GABRG3: variants seen among roughly 807,000 people sequenced by gnomAD.
GABRG3 encodes gamma-aminobutyric acid receptor subunit gamma-3.
A neutral mutation model predicts 48.8 loss-of-function variants in GABRG3; 25 were observed. The ratio of observed to expected loss-of-function variants is 0.51; its 90% CI spans 0.37 to 0.72. The LOEUF (loss-of-function observed/expected upper bound fraction) is 0.72. Ranked by LOEUF, GABRG3 falls within the 30% of genes least tolerant of loss-of-function variation. The probability of loss-of-function intolerance (pLI) is 0.00; values close to 1 mark genes in which losing one functional copy is unlikely to be tolerated. For synonymous variants in GABRG3, 227 were observed against 217.6 expected (o/e 1.04, Z -0.38); for missense variants, 394 against 577.9 (o/e 0.68, Z 3.26).
intron 9 of GABRG3, 86 bp from the exon 10 acceptor site, chr15:27,532,514 T>A: frequency 7.7e-7 from 1 of 1,301,326 alleles, no homozygotes. Flanking sequence ...AGGAGACAGA[T>A]GTAATATGGA....
rs1566897101 is a variant in GABRG3 at position 26,974,847 on chromosome 15, TTA to T, written c.54-2153_54-2152del. Among the ~76,000 whole-genome samples, 172 of 18,662 alleles carry T rather than the reference TTA, an allele frequency of 9.2e-3. No homozygotes were observed. The highest frequency in any genetic ancestry group is 0.058 in the African/African-American group (162 of 2,778). The allele number at this position is 18,662 out of a possible 152,430, so 12.2% of individuals were successfully genotyped here. On this transcript the variant is annotated intron_variant, in intron 1 of 9. Transcript: ENST00000615808. The surrounding 1 kb of genome is among the most constrained non-coding windows in gnomAD (Gnocchi z 4.3). ...TGACACGAAATATTTTTTAAATTTA[TTA>T]TTATTATTATTATTATTATTATTAT...
At chr15:27,095,438 A>T (rs1465217188) in intron 3 of GABRG3, among the ~76,000 whole-genome samples, 1 of 152,154 alleles carries the variant, frequency 6.6e-6, no homozygotes, top group Non-Finnish European at 1.5e-5. Context: ...CTTTCTCATC[A>T]CAGTGATTTC....
At chr15:27,410,808 G>C (rs1348946891) in intron 5 of GABRG3, among the ~76,000 whole-genome samples, 1 of 151,386 alleles carries the variant, frequency 6.6e-6, no homozygotes, top group East Asian at 2.0e-4. Context: ...TGTTGAGCAG[G>C]TTGGTGAAAG....
intron 3 of GABRG3, among the ~76,000 whole-genome samples, chr15:27,224,096 G>A (rs541246532): frequency 1.0e-3 from 157 of 152,294 alleles, no homozygotes; most frequent in Non-Finnish European, 1.3e-3. Context: ...GTACGTGGAA[G>A]CCGTGGACTG....
At chr15:27,488,259 A>G (rs72707661) in intron 6 of GABRG3, among the ~76,000 whole-genome samples, 17,255 of 152,264 alleles carry the variant, frequency 0.11, 1,044 homozygotes, top group Middle Eastern at 0.17. Context: ...TCAAAGGCCA[A>G]GACAGGTTGA....
At chr15:27,364,496 A>G (rs1279569789) in intron 5 of GABRG3, 1 of 152,240 alleles carries the variant, frequency 6.6e-6, no homozygotes, top group Non-Finnish European at 1.5e-5. Flanking sequence ...ACAGGACCGT[A>G]AATGGAGATA....
At chr15:27,426,018 G>A (rs549185232) in intron 5 of GABRG3, among the ~76,000 whole-genome samples, 4 of 152,152 alleles carry the variant, frequency 2.6e-5, no homozygotes, top group Admixed American at 6.5e-5. Flanking sequence ...ACAATCACTC[G>A]TTAGCACAGT....
At chr15:27,216,934 G>A (rs1443662990) in intron 3 of GABRG3, among the ~76,000 whole-genome samples, 1 of 55,860 alleles carries the variant, frequency 1.8e-5, no homozygotes, top group African/African-American at 7.2e-5. Flanking sequence ...CCCCTCCCCC[G>A]ACCCCACCAC....
chr15:27,351,456 TG>T (rs1411332827), intron 5 of GABRG3, among the ~76,000 whole-genome samples: 1 of 148,500 alleles, frequency 6.7e-6, no homozygotes, highest in African/African-American at 2.5e-5. Context: ...ATGGTGTGTG[TG>T]TTTGTGTGTG....
At chr15:27,465,908 G>A (rs746812291) in intron 5 of GABRG3, among the ~76,000 whole-genome samples, 6 of 152,124 alleles carry the variant, frequency 3.9e-5, no homozygotes, top group Non-Finnish European at 8.8e-5. Flanking sequence ...TTAAAATGCT[G>A]GACATGATCC....
At chr15:27,006,804 A>C (rs1595468559) in intron 2 of GABRG3, among the ~76,000 whole-genome samples, 1 of 148,522 alleles carries the variant, frequency 6.7e-6, no homozygotes, top group Non-Finnish European at 1.5e-5. Context: ...ATGGTCTCCA[A>C]CTCTATGTTG....
At chr15:27,253,133 C>G (rs759828631) in intron 3 of GABRG3, among the ~76,000 whole-genome samples, 4 of 152,236 alleles carry the variant, frequency 2.6e-5, no homozygotes, top group Non-Finnish European at 5.9e-5. Context: ...AGTCACCGGG[C>G]TGCTGGACCC....
chr15:27,127,847 G>A (rs964615839), intron 3 of GABRG3, among the ~76,000 whole-genome samples: 4 of 152,120 alleles, frequency 2.6e-5, no homozygotes, highest in Non-Finnish European at 5.9e-5. Flanking sequence ...GCACACAGTC[G>A]GCAGTAAGAA....
chr15:27,056,798 G>C (rs1463000431), intron 3 of GABRG3, among the ~76,000 whole-genome samples: 1 of 152,182 alleles, frequency 6.6e-6, no homozygotes, highest in Non-Finnish European at 1.5e-5. Context: ...GAACTCGTTT[G>C]TAGGGTAGCT....
chr15:27,344,888 A>C (rs962452842), intron 5 of GABRG3, among the ~76,000 whole-genome samples: 1 of 152,148 alleles, frequency 6.6e-6, no homozygotes, highest in African/African-American at 2.4e-5. Context: ...TGTTAGGTAC[A>C]TGCACGATGA....
intron 3 of GABRG3, among the ~76,000 whole-genome samples, chr15:27,256,699 A>G (rs1481492429): frequency 1.3e-5 from 2 of 152,146 alleles, no homozygotes; most frequent in Admixed American, 1.3e-4. Flanking sequence ...TAAAAACCAC[A>G]TGATTCCTGG....
At chr15:27,048,439 G>A (rs2140707443) in intron 3 of GABRG3, among the ~76,000 whole-genome samples, 1 of 152,260 alleles carries the variant, frequency 6.6e-6, no homozygotes, top group East Asian at 1.9e-4. Flanking sequence ...GGAGCCAGCT[G>A]GGAACTCAGC....
intron 5 of GABRG3, among the ~76,000 whole-genome samples, chr15:27,441,028 A>T (rs1157212286): frequency 6.6e-6 from 1 of 152,204 alleles, no homozygotes; most frequent in Admixed American, 6.5e-5. Flanking sequence ...AAAATATGCC[A>T]TCCCATCCCC....
chr15:27,220,769 A>C (rs1566969805), intron 3 of GABRG3, among the ~76,000 whole-genome samples: 1 of 152,082 alleles, frequency 6.6e-6, no homozygotes, highest in Non-Finnish European at 1.5e-5. Context: ...GGGTGCCTGG[A>C]ATTTCCCTGG....
Sources: gnomAD v4.1 joint callset for allele counts (sites outside exome capture counted in the v4.1 genomes callset) on GRCh38, gnomAD v4.1.1 for gene constraint, Gnocchi (gnomAD v3.1) non-coding constraint, MANE v1.5 for transcripts, NCBI Gene and HGNC (gene_info 2026-07-23, HGNC 2026-07-21) for gene names.